Variants in CACNA1H observed in about 807,000 individuals in gnomAD.
CACNA1H encodes the protein calcium voltage-gated channel subunit alpha1 H, also known as voltage-dependent T-type calcium channel subunit alpha-1H.
Under a neutral mutation model 192.5 loss-of-function variants are expected in CACNA1H, and 149 were observed. The ratio of observed to expected loss-of-function variants is 0.77; its 90% CI spans 0.68 to 0.89. CACNA1H has a LOEUF of 0.89. Ranked by LOEUF, CACNA1H falls within the 40% of genes least tolerant of loss-of-function variation. The pLI, the probability that CACNA1H is intolerant of heterozygous loss-of-function variation, is 0.00. For synonymous variants in CACNA1H, 2,202 were observed against 1,475.2 expected (o/e 1.49, Z -11.29); for missense variants, 4,257 against 3,423.5 (o/e 1.24, Z -6.08).
rs1202379081 is a variant in CACNA1H, at chr16:1,220,518, C to A, written c.6586C>A (p.Pro2196Thr). The change falls in exon 35 of 35, where the codon CCC (proline) becomes ACC (threonine). Residue 2196 changes from proline (P) to threonine (T), a missense_variant. Transcript: ENST00000348261. The stretch of plus-strand genomic sequence containing the variant: ...GAGCCCCCCCTGCATCTCGGTGGAA[C>A]CCCCTGCGGAGGACGAGGGCTCTGC... ...KMSPPCISVE[P>T]PAEDEGSARP... 3.3e-6 allele frequency: 5 copies of A among 1,532,990 alleles called. No individual in the cohort carries two copies. The East Asian group carries it at 9.1e-5, about 28-fold the overall frequency. 95.0% of individuals were successfully genotyped at this position (1,532,990 alleles called of 1,614,324 possible).
intron 11 of CACNA1H, 30 bp downstream of exon 11, chr16:1,205,295 G>T (rs757760545): frequency 5.4e-5 from 85 of 1,577,936 alleles, no homozygotes; most frequent in Non-Finnish European, 7.3e-5. Flanking sequence ...CCAGGAAGAG[G>T]GGCCCGGGAA....
intron 2 of CACNA1H, among the ~76,000 whole-genome samples, chr16:1,189,703 G>A (rs1966422290): frequency 1.3e-5 from 2 of 152,130 alleles, no homozygotes; most frequent in Admixed American, 6.5e-5. Context: ...GATTATGGGT[G>A]TGAACCACCG....
At position 1,171,011 on chromosome 16, in the gene CACNA1H, G is replaced by A. The variant is rs1228102925; in HGVS notation, c.299+16975G>A. On this transcript the variant is annotated intron_variant, in intron 2 of 34. Coordinates refer to ENST00000348261, the MANE Select transcript of CACNA1H (RefSeq NM_021098.3). The stretch of plus-strand genomic sequence containing the variant: ...CAGGACAGGGCAGATCCTCTCTCTA[G>A]CTCTCCCCCCAACCACTGCACCCAT... Among the ~76,000 whole-genome samples, 5 of 151,960 alleles carry A rather than the reference G, an allele frequency of 3.3e-5. No homozygotes were observed. The South Asian group carries it at 1.0e-3, about 31-fold the overall frequency.
At chr16:1,154,126 G>T in intron 2 of CACNA1H, 90 bp downstream of exon 2, 1 of 1,053,704 alleles carries the variant, frequency 9.5e-7, no homozygotes, top group Non-Finnish European at 1.2e-6. Flanking sequence ...ATGCGCCCCC[G>T]CGCGCCCCTG....
intron 2 of CACNA1H, among the ~76,000 whole-genome samples, chr16:1,186,992 C>T (rs1258823356): frequency 6.6e-6 from 1 of 152,210 alleles, no homozygotes; most frequent in East Asian, 1.9e-4. Context: ...TGCGGCTGGC[C>T]CGGCCCCTCC....
In CACNA1H at chr16:1,167,435, G is replaced by A. The variant is rs1385784976; in HGVS notation, c.299+13399G>A. Among the ~76,000 whole-genome samples the A allele has an allele frequency of 2.0e-5, 3 of 152,266 alleles. No individual in the cohort carries two copies. The highest frequency in any genetic ancestry group is 1.9e-4 in the East Asian group (1 of 5,176). Reference sequence around the variant, plus strand: ...TCCATCCCTCCATCCGTCCTCTGGAGAATTTCAACACCCACACTTGGAATA... The same window carrying A: ...TCCATCCCTCCATCCGTCCTCTGGAAAATTTCAACACCCACACTTGGAATA... On this transcript the variant is annotated intron_variant, in intron 2 of 34. Transcript: ENST00000348261. This position sits in a 1 kb window ranked among gnomAD's most constrained non-coding sequence, Gnocchi z 4.2.
intron 2 of CACNA1H, among the ~76,000 whole-genome samples, chr16:1,169,795 C>T (rs1964181697): frequency 6.6e-6 from 1 of 152,240 alleles, no homozygotes; most frequent in Admixed American, 6.5e-5. Context: ...GTCCCTGGCC[C>T]CTGGCCCCAG....
At position 1,195,063 on chromosome 16, in the gene CACNA1H, G is replaced by C. The variant is rs753494538; in HGVS notation, c.391G>C (p.Glu131Gln). ...CTGTGAGGACGTTGAGTGCGGCTCC[G>C]AGCGCTGCAACATCCTGGAGGTGAG... is the stretch of plus-strand genomic sequence containing the variant. ...RPCEDVECGSERCNILEAFDA... is the reference protein window; with the variant it reads ...RPCEDVECGSQRCNILEAFDA... The change falls in exon 3 of 35, where the codon GAG becomes CAG. Residue 131 changes from glutamate to glutamine, a missense_variant. By Grantham distance (29) the Glu-to-Gln change is conservative (BLOSUM62 2). Coordinates refer to ENST00000348261, the MANE Select transcript of CACNA1H (RefSeq NM_021098.3). 19 of 1,607,574 alleles carry C rather than the reference G, an allele frequency of 1.2e-5. No homozygotes were observed. Among genetic ancestry groups the C allele is most frequent in the East Asian group, 4.5e-5 (2 of 44,674 alleles).
At chr16:1,184,635 C>T (rs967950428) in intron 2 of CACNA1H, among the ~76,000 whole-genome samples, 4 of 152,360 alleles carry the variant, frequency 2.6e-5, no homozygotes, top group Admixed American at 2.0e-4. Flanking sequence ...CAGGAGTTGT[C>T]ACGTGGCCGG....
At chr16:1,184,956 C>T (rs948904399) in intron 2 of CACNA1H, among the ~76,000 whole-genome samples, 1 of 152,152 alleles carries the variant, frequency 6.6e-6, no homozygotes, top group Non-Finnish European at 1.5e-5. Flanking sequence ...GGTTAGCGAC[C>T]TTCGTGTTGT....
At position 1,201,692 on chromosome 16, in the gene CACNA1H, C is replaced by G. The variant is rs750964204; in HGVS notation, c.1242C>G (p.Cys414Trp). ...IVGSFFMINLCLVVIATQFSE... is the reference protein window; with the variant it reads ...IVGSFFMINLWLVVIATQFSE... ...GCTCCTTCTTCATGATCAACCTGTG[C>G]CTGGTGGTGATTGCCACGCAGTTCT... Residue 414 changes from cysteine (C) to tryptophan (W), a missense_variant, in exon 9 of 35, where the codon TGC becomes TGG. Cys to Trp is a radical substitution (Grantham distance 215). Transcript: ENST00000348261. 1 of 1,607,174 alleles carries G rather than the reference C, an allele frequency of 6.2e-7. No individual in the cohort carries two copies. The highest frequency in any genetic ancestry group is 1.3e-5 in the African/African-American group (1 of 74,852).
At position 1,215,357 on chromosome 16, in the gene CACNA1H, G is replaced by T. The variant is rs768128693; in HGVS notation, c.5155G>T (p.Val1719Leu). ...INPTIIRIMR[V>L]LRIARVLKLL... is the part of the protein sequence containing the mutation. ...CCCCACCATCATCCGCATCATGCGC[G>T]TGCTTCGCATTGCCCGTGGTAGGTG... Residue 1719 changes from valine (V) to leucine (L), a missense_variant, in exon 29 of 35, where the codon GTG (valine) becomes TTG (leucine). Physicochemically the swap from Val to Leu is conservative, Grantham distance 32. Transcript: ENST00000348261. 2 of 1,611,484 alleles carry T rather than the reference G, an allele frequency of 1.2e-6. No individual in the cohort carries two copies. Among genetic ancestry groups the T allele is most frequent in the South Asian group, 2.2e-5 (2 of 90,828 alleles).
chr16:1,200,742 C>A lies in CACNA1H; in HGVS notation c.1146C>A (p.Asp382Glu). ...TGATCACGCTGGAAGGCTGGGTGGA[C>A]ATCATGTACTACGTCATGGACGCCC... Reference protein sequence around the residue: ...FQVITLEGWVDIMYYVMDAHS... With the variant: ...FQVITLEGWVEIMYYVMDAHS... Residue 382 changes from aspartate (D) to glutamate (E), a missense_variant, in exon 8 of 35, where the codon GAC becomes GAA. By Grantham distance (45) the Asp-to-Glu change is conservative. Coordinates refer to ENST00000348261, the MANE Select transcript of CACNA1H (RefSeq NM_021098.3). 1 of 1,560,888 alleles carries A rather than the reference C, an allele frequency of 6.4e-7. No homozygotes were observed. The highest frequency in any genetic ancestry group is 8.7e-7 in the Non-Finnish European group (1 of 1,152,530).
At position 1,210,091 on chromosome 16, in the gene CACNA1H, G is replaced by C; in HGVS notation, c.3801G>C (p.Arg1267=). ...AGCCCTACAAGCCCCAGTGGTGCCG[G>C]AGCCGCGAGGCCTGGGCCCTCTACC... ...VLEPYKPQWC[R]SREAWALYLF... is the part of the protein sequence containing the mutation. The change falls in exon 18 of 35, where the codon CGG becomes CGC. Residue 1267 remains arginine, a synonymous_variant. Coordinates refer to ENST00000348261, the MANE Select transcript of CACNA1H (RefSeq NM_021098.3). 1 of 1,560,008 alleles carries C rather than the reference G, an allele frequency of 6.4e-7. No individual in the cohort carries two copies. Among genetic ancestry groups the C allele is most frequent in the Non-Finnish European group, 8.7e-7 (1 of 1,152,794 alleles).
At chr16:1,154,933 G>A (rs62012312) in intron 2 of CACNA1H, among the ~76,000 whole-genome samples, 3 of 152,160 alleles carry the variant, frequency 2.0e-5, no homozygotes, top group Admixed American at 6.5e-5. Flanking sequence ...TCTCCCCACC[G>A]GCCCTTCTGA....
At position 1,153,387 on chromosome 16, in the gene CACNA1H, C is replaced by T. The variant is rs1337232033; in HGVS notation, c.-102C>T. ...GGGGCGGAGGCGCTGGGGGCCGGGG[C>T]CGGGGCCGGGCGCCGAGCGGGGTCC... On this transcript the variant is annotated 5_prime_UTR_variant, in exon 1 of 35. Transcript: ENST00000348261. 4.9e-5 allele frequency: 7 copies of T among 143,944 alleles called. No homozygotes were observed. Among genetic ancestry groups the T allele is most frequent in the South Asian group, 1.8e-4 (1 of 5,414 alleles). 8.9% of individuals were successfully genotyped at this position (143,944 alleles called of 1,614,324 possible). A position where few individuals can be genotyped will look rare whatever the true frequency, so the allele number is the denominator to read the frequency against.
chr16:1,213,142 T>G (rs1969656929), intron 26 of CACNA1H, among the ~76,000 whole-genome samples: 1 of 151,938 alleles, frequency 6.6e-6, no homozygotes, highest in Admixed American at 6.5e-5. Context: ...TGGTCTGGAG[T>G]CCGGCAGACC....
At chr16:1,210,308 C>A in intron 18 of CACNA1H, 62 bp from the exon 19 acceptor site, 3 of 1,420,226 alleles carry the variant, frequency 2.1e-6, no homozygotes, top group Non-Finnish European at 2.9e-6. Context: ...GTCCTGCAAC[C>A]CCCATCCACT....
chr16:1,178,984 C>T (rs1309775706), intron 2 of CACNA1H, among the ~76,000 whole-genome samples: 4 of 152,214 alleles, frequency 2.6e-5, no homozygotes, highest in Non-Finnish European at 4.4e-5. Context: ...CACCATTTTC[C>T]TCGGGATAAA....
Sources: gnomAD v4.1 joint callset for allele counts (sites outside exome capture counted in the v4.1 genomes callset) on GRCh38, gnomAD v4.1.1 for gene constraint, Gnocchi (gnomAD v3.1) non-coding constraint, MANE v1.5 for transcripts, NCBI Gene and HGNC (gene_info 2026-07-23, HGNC 2026-07-21) for gene names.